The following GRM7 variants were observed in gnomAD, a reference collection of about 807,000 sequenced individuals.
GRM7 encodes the protein metabotropic glutamate receptor 7.
In GRM7, 35 loss-of-function variants were observed where a neutral mutation model predicts 84.5. The observed-to-expected ratio is 0.41, with a 90% CI of 0.32 to 0.55. GRM7 has a LOEUF of 0.55. Among genes scored for constraint, GRM7 ranks in the 20% least tolerant of loss-of-function variants. The pLI, the probability that GRM7 is intolerant of heterozygous loss-of-function variation, is 0.19. For synonymous variants in GRM7, 487 were observed against 455.1 expected (o/e 1.07, Z -0.89); for missense variants, 1,003 against 1,194.6 (o/e 0.84, Z 2.36).
intron 1 of GRM7, among the ~76,000 whole-genome samples, chr3:7,075,538 G>T (rs1698040659): frequency 7.2e-6 from 1 of 139,480 alleles, no homozygotes; most frequent in African/African-American, 2.5e-5. Flanking sequence ...GTGTGTGTGT[G>T]TGTGTGTTTG....
At chr3:7,343,127 C>G (rs764220119) in intron 4 of GRM7, among the ~76,000 whole-genome samples, 2 of 152,112 alleles carry the variant, frequency 1.3e-5, no homozygotes, top group Non-Finnish European at 2.9e-5. Context: ...GATTCAACAC[C>G]CAGACGTAGA....
At chr3:7,029,137 C>T (rs575170865) in intron 1 of GRM7, among the ~76,000 whole-genome samples, 1 of 152,036 alleles carries the variant, frequency 6.6e-6, no homozygotes, top group Admixed American at 6.6e-5. Context: ...AACCCTGTCT[C>T]AACTAAAAAT....
At chr3:7,123,749 A>G (rs1007329860) in intron 1 of GRM7, among the ~76,000 whole-genome samples, 2 of 152,182 alleles carry the variant, frequency 1.3e-5, no homozygotes, top group African/African-American at 4.8e-5. Flanking sequence ...TTGGAGGTCA[A>G]CGCTTCCTGG....
intron 1 of GRM7, among the ~76,000 whole-genome samples, chr3:7,132,471 T>G (rs1046561368): frequency 6.6e-6 from 1 of 152,218 alleles, no homozygotes; most frequent in South Asian, 2.1e-4. Flanking sequence ...GATGGGGTAT[T>G]GTATTATCTG....
chr3:7,673,213 C>G lies in GRM7; in HGVS notation c.2452-6836C>G, dbSNP rs189703440. 3.0e-3 allele frequency among the ~76,000 whole-genome samples: 461 copies of G among 152,184 alleles called. 2 individuals are homozygous for G. The highest frequency in any genetic ancestry group is 5.0e-3 in the Non-Finnish European group (341 of 67,998). ...CTCCAGTAATGAGGAAACAGAAGCA[C>G]ACAAATAGAAAAAATGCTACTAATA... On this transcript the variant is annotated intron_variant, in intron 8 of 9. Transcript: ENST00000357716.
At position 7,680,231 on chromosome 3, in the gene GRM7, C is replaced by A; in HGVS notation, c.2634C>A (p.His878Gln). 6.2e-7 allele frequency: 1 copy of A among 1,613,966 alleles called. No homozygotes were observed. The highest frequency in any genetic ancestry group is 8.5e-7 in the Non-Finnish European group (1 of 1,179,800). Residue 878 changes from histidine to glutamine, a missense_variant, in exon 9 of 10, where the codon CAC becomes CAA. Around this residue, in one of 2 missense-constraint regions of GRM7, gnomAD observed 910 missense variants for 1,126.0 expected, o/e 0.81. Transcript: ENST00000357716. ...TAATMSSRLS[H>Q]KPSDRPNGEA... The stretch of plus-strand genomic sequence containing the variant: ...CCACCATGTCATCGAGGCTGTCACA[C>A]AAACCCAGTGACAGACCCAACGGTG...
intron 1 of GRM7, among the ~76,000 whole-genome samples, chr3:7,045,124 G>T (rs1696757443): frequency 6.6e-6 from 1 of 152,142 alleles, no homozygotes; most frequent in Non-Finnish European, 1.5e-5. Context: ...ACTATGAAAT[G>T]TTACAAGGTT....
chr3:7,702,839 T>C (rs937532322), intron 9 of GRM7, among the ~76,000 whole-genome samples: 3 of 152,118 alleles, frequency 2.0e-5, no homozygotes, highest in African/African-American at 7.2e-5. Context: ...AAAAACACTT[T>C]TTTCAAATGT....
chr3:7,719,164 T>C (rs1482964442), intron 9 of GRM7, among the ~76,000 whole-genome samples: 2 of 152,096 alleles, frequency 1.3e-5, no homozygotes, highest in Non-Finnish European at 2.9e-5. Flanking sequence ...AGTGTTTTTC[T>C]CCCTAGTAAC....
chr3:6,869,218 C>G (rs192121511), intron 1 of GRM7, among the ~76,000 whole-genome samples: 66 of 152,114 alleles, frequency 4.3e-4, no homozygotes, highest in Non-Finnish European at 7.8e-4. Context: ...GGATTTAAAT[C>G]CACACACTCC....
Position 6,861,599 on chromosome 3 carries a change from A to T in GRM7, c.211A>T (p.Lys71Ter). ...GPSGVPCGDI[K>*]RENGIHRLEA... is the part of the protein sequence containing the mutation. Reference sequence around the variant, plus strand: ...CAGCGGAGTGCCCTGCGGCGACATCAAGAGGGAAAACGGGATCCACAGGCT... The same window carrying T: ...CAGCGGAGTGCCCTGCGGCGACATCTAGAGGGAAAACGGGATCCACAGGCT... The change falls in exon 1 of 10, where the codon AAG becomes TAG. Residue 71 changes from lysine to a stop codon, truncating the protein, a stop_gained. Transcript: ENST00000357716. LOFTEE classifies it high-confidence loss of function. The surrounding 1 kb of genome is among the most constrained non-coding windows in gnomAD (Gnocchi z 6.4). 6.2e-7 allele frequency: 1 copy of T among 1,611,232 alleles called. No individual in the cohort carries two copies. Among genetic ancestry groups the T allele is most frequent in the Non-Finnish European group, 8.5e-7 (1 of 1,178,536 alleles).
At chr3:7,182,179 C>T (rs1039909069) in intron 2 of GRM7, among the ~76,000 whole-genome samples, 1 of 151,970 alleles carries the variant, frequency 6.6e-6, no homozygotes, top group Non-Finnish European at 1.5e-5. Flanking sequence ...GAGAATTATG[C>T]AGCTTATTAA....
At chr3:7,001,571 T>G (rs2221114) in intron 1 of GRM7, among the ~76,000 whole-genome samples, 151,303 of 152,296 alleles carry the variant, frequency 0.99, 75,164 homozygotes, top group African/African-American at 1. Context: ...TTGTTTCAGG[T>G]TTTAAAATAT....
intron 1 of GRM7, among the ~76,000 whole-genome samples, chr3:6,985,468 G>C (rs1411052500): frequency 6.6e-6 from 1 of 152,122 alleles, no homozygotes; most frequent in African/African-American, 2.4e-5. Flanking sequence ...TTGTCTGTCT[G>C]TGCCATTTAT....
intron 1 of GRM7, among the ~76,000 whole-genome samples, chr3:6,941,554 G>A (rs1421893127): frequency 2.0e-5 from 3 of 152,112 alleles, no homozygotes; most frequent in Non-Finnish European, 2.9e-5. Flanking sequence ...ACCTCTAATC[G>A]TGTGACTTAA....
chr3:7,669,484 G>A (rs939854607), intron 8 of GRM7, among the ~76,000 whole-genome samples: 6 of 152,182 alleles, frequency 3.9e-5, no homozygotes, highest in Admixed American at 3.9e-4. Flanking sequence ...CCATGTGAAG[G>A]AATATTATCT....
intron 1 of GRM7, among the ~76,000 whole-genome samples, chr3:7,019,265 C>T (rs1160377926): frequency 6.6e-6 from 1 of 152,158 alleles, no homozygotes; most frequent in Non-Finnish European, 1.5e-5. Context: ...CCATCAGAGT[C>T]ACACAATGGA....
chr3:7,444,943 A>G (rs1312177633), intron 5 of GRM7, among the ~76,000 whole-genome samples: 1 of 151,760 alleles, frequency 6.6e-6, no homozygotes, highest in Non-Finnish European at 1.5e-5. Context: ...GAACATTAGG[A>G]TGTTAATGGT....
chr3:7,167,502 G>T (rs1372006730), intron 2 of GRM7, among the ~76,000 whole-genome samples: 1 of 152,104 alleles, frequency 6.6e-6, no homozygotes, highest in Admixed American at 6.5e-5. Flanking sequence ...TTATTAAAAG[G>T]GTGTTGGCCT....
Sources: allele counts gnomAD v4.1 joint callset (sites outside exome capture counted in the v4.1 genomes callset), GRCh38; gene constraint gnomAD v4.1.1; regional missense constraint gnomAD v4.1.1; non-coding constraint Gnocchi (gnomAD v3.1); transcripts MANE v1.5; gene names NCBI Gene and HGNC (gene_info 2026-07-23, HGNC 2026-07-21).